ASCC3: variants seen among roughly 807,000 people sequenced by gnomAD.
The protein encoded by ASCC3 is ASC-1 complex subunit P200.
In ASCC3, 158 loss-of-function variants were observed where a neutral mutation model predicts 256.3. The observed-to-expected ratio is 0.62, with a 90% CI of 0.54 to 0.70. The LOEUF (loss-of-function observed/expected upper bound fraction) is 0.70. ASCC3 is among the 30% of genes least tolerant of loss of function. The pLI is 0.00. For missense variants in ASCC3, 2,259 were observed against 2,626.0 expected (o/e 0.86, Z 3.05); for synonymous variants, 948 against 883.4 (o/e 1.07, Z -1.30).
chr6:100,609,312 ATAAT>A (rs1404022750), intron 30 of ASCC3, among the ~76,000 whole-genome samples: 1 of 151,846 alleles, frequency 6.6e-6, no homozygotes, highest in Admixed American at 6.6e-5. Flanking sequence ...GTTTTCCTAA[ATAAT>A]TAACCAATTA....
At chr6:100,808,540 T>C (rs570992546) in intron 4 of ASCC3, among the ~76,000 whole-genome samples, 1 of 152,088 alleles carries the variant, frequency 6.6e-6, no homozygotes, top group South Asian at 2.1e-4. Flanking sequence ...CATAGCAGAT[T>C]GATTACAGAA....
intron 37 of ASCC3, among the ~76,000 whole-genome samples, chr6:100,528,999 G>C (rs1285178048): frequency 6.6e-6 from 1 of 152,152 alleles, no homozygotes; most frequent in African/African-American, 2.4e-5. Flanking sequence ...CTAGAAGTTT[G>C]AAGTTTTTCA....
chr6:100,840,950 G>GA (rs1258314802), intron 4 of ASCC3, among the ~76,000 whole-genome samples: 1 of 151,530 alleles, frequency 6.6e-6, no homozygotes, highest in Non-Finnish European at 1.5e-5. Flanking sequence ...AAAAAAAAGA[G>GA]AAAAAATTGA....
intron 37 of ASCC3, among the ~76,000 whole-genome samples, chr6:100,532,402 ATATATTTTTTTT>A (rs1310576769): frequency 2.1e-4 from 13 of 62,386 alleles, no homozygotes; most frequent in African/African-American, 8.7e-4. Context: ...ATATATATAT[ATATATTTTTTTT>A]TTTTTTTTTT....
In ASCC3 at chr6:100,601,855, T is replaced by C; in HGVS notation, c.5258A>G (p.Tyr1753Cys). The C allele has an allele frequency of 1.9e-6, 3 of 1,612,686 alleles. No individual in the cohort carries two copies. Among genetic ancestry groups the C allele is most frequent in the African/African-American group, 2.7e-5 (2 of 74,968 alleles). The change falls in exon 34 of 42, where the codon TAT becomes TGT. Residue 1753 changes from tyrosine (Y) to cysteine (C), a missense_variant. Coordinates refer to ENST00000369162, the MANE Select transcript of ASCC3 (RefSeq NM_006828.4). ...TCGGAAAAAGTAAGTCCAGGTGATATAATCCAATGCATCTTGCTTAGATGT... is the reference window on the plus strand; with the variant it reads ...TCGGAAAAAGTAAGTCCAGGTGATACAATCCAATGCATCTTGCTTAGATGT... ...TITSKQDALDYITWTYFFRRL... is the reference protein window; with the variant it reads ...TITSKQDALDCITWTYFFRRL...
chr6:100,861,663 T>C (rs1430716263), intron 3 of ASCC3, among the ~76,000 whole-genome samples: 1 of 152,156 alleles, frequency 6.6e-6, no homozygotes, highest in Non-Finnish European at 1.5e-5. Flanking sequence ...GATTTAGAAT[T>C]TGCCTACATC....
intron 10 of ASCC3, among the ~76,000 whole-genome samples, chr6:100,741,408 C>T (rs918276318): frequency 8.5e-5 from 13 of 152,066 alleles, no homozygotes; most frequent in African/African-American, 3.1e-4. Context: ...TCTGCATTTC[C>T]AGAATTTGAA....
intron 36 of ASCC3, among the ~76,000 whole-genome samples, chr6:100,548,988 T>C (rs1769153831): frequency 6.6e-6 from 1 of 151,960 alleles, no homozygotes; most frequent in African/African-American, 2.4e-5. Context: ...CATAAAACAA[T>C]TATAATAATA....
At chr6:100,622,397 T>A (rs905645493) in intron 30 of ASCC3, among the ~76,000 whole-genome samples, 1 of 152,098 alleles carries the variant, frequency 6.6e-6, no homozygotes, top group African/African-American at 2.4e-5. Flanking sequence ...GCACTTCCAC[T>A]ACCTGCCACC....
At chr6:100,742,062 A>G (rs565372128) in intron 10 of ASCC3, among the ~76,000 whole-genome samples, 1 of 152,216 alleles carries the variant, frequency 6.6e-6, no homozygotes, top group East Asian at 1.9e-4. Flanking sequence ...CCTTTTGTCA[A>G]TGCTGATATT....
At chr6:100,568,954 T>C (rs950925694) in intron 36 of ASCC3, among the ~76,000 whole-genome samples, 2 of 151,668 alleles carry the variant, frequency 1.3e-5, no homozygotes, top group African/African-American at 2.4e-5. Context: ...ATTTTTTTTG[T>C]GTTTTTAGTA....
chr6:100,637,825 C>A (rs567942160), intron 25 of ASCC3, among the ~76,000 whole-genome samples: 1 of 152,244 alleles, frequency 6.6e-6, no homozygotes, highest in East Asian at 1.9e-4. Context: ...TGAATTGTTA[C>A]AATCTCATGA....
At position 100,773,264 on chromosome 6, in the gene ASCC3, CAT is replaced by C. The variant is rs560111598; in HGVS notation, c.1396-5921_1396-5920del. On this transcript the variant is annotated intron_variant, in intron 8 of 41. Transcript: ENST00000369162. ...TAATGGTAGCTATTATTATTACTAT[CAT>C]ATATCATTTCATTTTTATACGAGGT... Among the ~76,000 whole-genome samples the C allele has an allele frequency of 5.6e-3, 847 of 152,190 alleles. 4 individuals are homozygous for C. Among genetic ancestry groups the C allele is most frequent in the Non-Finnish European group, 9.3e-3 (632 of 67,972 alleles).
At chr6:100,799,329 T>G in intron 7 of ASCC3, 102 bp downstream of exon 7, 1 of 1,281,724 alleles carries the variant, frequency 7.8e-7, no homozygotes, top group Non-Finnish European at 1.1e-6. Context: ...AAATTTAGCA[T>G]AGTCAACTAG....
intron 30 of ASCC3, among the ~76,000 whole-genome samples, chr6:100,618,022 C>A (rs1419088550): frequency 6.6e-6 from 1 of 152,172 alleles, no homozygotes. Context: ...CTTAGATATA[C>A]AAACTAACAT....
intron 36 of ASCC3, among the ~76,000 whole-genome samples, chr6:100,582,960 T>A (rs1015367746): frequency 2.4e-4 from 36 of 152,314 alleles, no homozygotes; most frequent in Middle Eastern, 3.4e-3. Flanking sequence ...GTGGATAAGC[T>A]TTTTGATGTG....
chr6:100,721,825 T>G (rs1779354572), intron 11 of ASCC3, among the ~76,000 whole-genome samples: 1 of 151,756 alleles, frequency 6.6e-6, no homozygotes, highest in Non-Finnish European at 1.5e-5. Context: ...TATCTCCCAC[T>G]TTTTAGTTTA....
chr6:100,724,619 G>A (rs1273584477), intron 11 of ASCC3, among the ~76,000 whole-genome samples: 1 of 151,872 alleles, frequency 6.6e-6, no homozygotes, highest in Non-Finnish European at 1.5e-5. Flanking sequence ...ACGAGTAAGG[G>A]GTGGAATGAA....
At chr6:100,654,200 T>C (rs1775810095) in intron 17 of ASCC3, among the ~76,000 whole-genome samples, 1 of 151,920 alleles carries the variant, frequency 6.6e-6, no homozygotes, top group African/African-American at 2.4e-5. Flanking sequence ...AATCACCTAT[T>C]ACTAAACCAT....
Sources: gnomAD v4.1 joint callset for allele counts (sites outside exome capture counted in the v4.1 genomes callset) on GRCh38, gnomAD v4.1.1 for gene constraint, MANE v1.5 for transcripts, NCBI Gene and HGNC (gene_info 2026-07-23, HGNC 2026-07-21) for gene names.